The following UBE3D variants were observed in gnomAD, a reference collection of about 807,000 sequenced individuals.
UBE3D encodes E3 ubiquitin-protein ligase E3D.
In UBE3D, 48 loss-of-function variants were observed where a neutral mutation model predicts 49.6. That is an observed-to-expected ratio of 0.97 (90% CI 0.77 to 1.23). The LOEUF (loss-of-function observed/expected upper bound fraction) is 1.23. Ranked by LOEUF, UBE3D falls within the 50% of genes most tolerant of loss-of-function variation. The pLI, the probability that UBE3D is intolerant of heterozygous loss-of-function variation, is 0.00. For missense variants in UBE3D, 452 were observed against 468.4 expected (o/e 0.96, Z 0.32); for synonymous variants, 189 against 174.2 (o/e 1.08, Z -0.67).
At chr6:82,932,632 G>A (rs1291526944) in intron 9 of UBE3D, 1 of 152,208 alleles carries the variant, frequency 6.6e-6, no homozygotes, top group Non-Finnish European at 1.5e-5. Flanking sequence ...TGGAAGTGTG[G>A]AAGAAGTGTG....
intron 8 of UBE3D, among the ~76,000 whole-genome samples, chr6:82,972,893 A>G (rs760583074): frequency 3.3e-5 from 5 of 152,328 alleles, no homozygotes. Flanking sequence ...GAGCTATGAT[A>G]GAAATAAAAT....
At chr6:82,974,272 T>G (rs1777554663) in intron 8 of UBE3D, among the ~76,000 whole-genome samples, 1 of 152,088 alleles carries the variant, frequency 6.6e-6, no homozygotes, top group Admixed American at 6.6e-5. Flanking sequence ...ACCGGTCCCT[T>G]GTGCCGAAAA....
chr6:83,054,132 T>C lies in UBE3D; in HGVS notation c.365+16A>G, dbSNP rs756672619. The C allele has an allele frequency of 6.2e-7, 1 of 1,600,028 alleles. No homozygotes were observed. The highest frequency in any genetic ancestry group is 8.6e-7 in the Non-Finnish European group (1 of 1,167,186). ...TGCCAGGCACAGAATTAATCAGTGTTAAATATATTCCTTACCTGTCTTTTA... is the reference window on the plus strand; with the variant it reads ...TGCCAGGCACAGAATTAATCAGTGTCAAATATATTCCTTACCTGTCTTTTA... On this transcript the variant is annotated intron_variant, in intron 3 of 9. Transcript: ENST00000369747.
chr6:83,007,667 G>C (rs369298776), intron 8 of UBE3D, among the ~76,000 whole-genome samples: 1 of 152,098 alleles, frequency 6.6e-6, no homozygotes, highest in African/African-American at 2.4e-5. Flanking sequence ...TTGGCTCACC[G>C]GGTACGGTGG....
At chr6:82,908,783 T>G (rs1026461602) in intron 9 of UBE3D, among the ~76,000 whole-genome samples, 1 of 152,176 alleles carries the variant, frequency 6.6e-6, no homozygotes, top group African/African-American at 2.4e-5. Flanking sequence ...CTTCCCTTCC[T>G]CCACTGCATA....
At chr6:83,022,414 T>C in intron 7 of UBE3D, 39 bp downstream of exon 7, 6 of 1,351,222 alleles carry the variant, frequency 4.4e-6, no homozygotes, top group Non-Finnish European at 6.1e-6. Context: ...AGACCTTGGA[T>C]TCCTAGGCTA....
chr6:83,063,418 A>G, intron 1 of UBE3D, among the ~76,000 whole-genome samples: 1 of 147,372 alleles, frequency 6.8e-6, no homozygotes, highest in Non-Finnish European at 1.5e-5. Context: ...TGTCTAAAAA[A>G]AAAAAAAAAA....
At chr6:82,994,212 A>G (rs918033420) in intron 8 of UBE3D, among the ~76,000 whole-genome samples, 1 of 152,226 alleles carries the variant, frequency 6.6e-6, no homozygotes, top group Non-Finnish European at 1.5e-5. Flanking sequence ...GACCTTACCC[A>G]TGCAATACTT....
chr6:83,038,069 G>T (rs986778317), intron 5 of UBE3D: 1 of 140,720 alleles, frequency 7.1e-6, no homozygotes, highest in Admixed American at 7.1e-5. Context: ...AAAAAAAAAA[G>T]AAGAAGAAGA....
chr6:83,049,877 T>G, intron 3 of UBE3D: 1 of 460,898 alleles, frequency 2.2e-6, no homozygotes, highest in South Asian at 1.6e-5. Flanking sequence ...CAAGGACTAT[T>G]TGGCTGTTTC....
downstream of UBE3D, among the ~76,000 whole-genome samples, chr6:82,889,876 G>A (rs911768982): frequency 1.3e-5 from 2 of 151,262 alleles, no homozygotes; most frequent in Non-Finnish European, 2.9e-5. Flanking sequence ...TTGCCAAAAT[G>A]AGTGGCCGAC....
chr6:83,015,656 C>T (rs1340734014), intron 8 of UBE3D, among the ~76,000 whole-genome samples: 3 of 152,156 alleles, frequency 2.0e-5, no homozygotes, highest in African/African-American at 7.2e-5. Flanking sequence ...CACTCTCAAC[C>T]TCACCTTTAG....
intron 5 of UBE3D, among the ~76,000 whole-genome samples, chr6:83,026,956 ATG>A (rs970202419): frequency 6.6e-6 from 1 of 152,052 alleles, no homozygotes; most frequent in Admixed American, 6.6e-5. Context: ...TTTTTATTTC[ATG>A]TGTTGTTAAT....
At chr6:83,030,137 C>A (rs1033951612) in intron 5 of UBE3D, among the ~76,000 whole-genome samples, 1 of 152,092 alleles carries the variant, frequency 6.6e-6, no homozygotes, top group Non-Finnish European at 1.5e-5. Context: ...GTTATCTCAG[C>A]CCTTCTATCA....
downstream of UBE3D, among the ~76,000 whole-genome samples, chr6:82,889,754 C>T (rs376957605): frequency 6.6e-6 from 1 of 151,818 alleles, no homozygotes; most frequent in Non-Finnish European, 1.5e-5. Flanking sequence ...AATGTAAGCT[C>T]GATGCGGGCA....
chr6:83,016,807 C>T (rs1780729821), intron 8 of UBE3D, among the ~76,000 whole-genome samples: 1 of 152,064 alleles, frequency 6.6e-6, no homozygotes, highest in Non-Finnish European at 1.5e-5. Flanking sequence ...AGTCCAAATC[C>T]CAAAGCTGAA....
At chr6:82,942,035 A>G (rs1775052193) in intron 9 of UBE3D, among the ~76,000 whole-genome samples, 2 of 152,298 alleles carry the variant, frequency 1.3e-5, no homozygotes, top group African/African-American at 2.4e-5. Context: ...CAGAGGTTGG[A>G]ACAGTTTGGA....
At chr6:83,009,713 G>T (rs1780215050) in intron 8 of UBE3D, among the ~76,000 whole-genome samples, 1 of 116,148 alleles carries the variant, frequency 8.6e-6, no homozygotes, top group African/African-American at 3.2e-5. Flanking sequence ...TCTTAGCCAA[G>T]GATAAAAAGA....
At chr6:82,889,991 G>C (rs1770952103), downstream of UBE3D, among the ~76,000 whole-genome samples, 1 of 151,684 alleles carries the variant, frequency 6.6e-6, no homozygotes, top group African/African-American at 2.4e-5. Flanking sequence ...AAAGGGACTA[G>C]AAATTTGGTG....
Sources: gnomAD v4.1 joint callset for allele counts (sites outside exome capture counted in the v4.1 genomes callset) on GRCh38, gnomAD v4.1.1 for gene constraint, MANE v1.5 for transcripts, NCBI Gene and HGNC (gene_info 2026-07-23, HGNC 2026-07-21) for gene names.